The following MECOM variants were observed in gnomAD, a reference collection of about 807,000 sequenced individuals.
MECOM encodes MDS1 and EVI1 complex locus.
Under a neutral mutation model 116.3 loss-of-function variants are expected in MECOM, and 13 were observed. That is an observed-to-expected ratio of 0.11 (90% CI 0.07 to 0.18). MECOM has a LOEUF of 0.18. Ranked by LOEUF, MECOM falls within the 10% of genes least tolerant of loss-of-function variation. MECOM has a pLI of 1.00. For missense variants in MECOM, 1,299 were observed against 1,509.0 expected, an observed-to-expected ratio of 0.86 and a Z score of 2.31; for synonymous variants, 528 against 535.2, an observed-to-expected ratio of 0.99 and a Z score of 0.19.
chr3:169,406,509 G>A (rs540186011), intron 1 of MECOM, among the ~76,000 whole-genome samples: 53 of 152,294 alleles, frequency 3.5e-4, no homozygotes, highest in Non-Finnish European at 6.0e-4. Context: ...CAAGAAAAGC[G>A]ATTGAAGGCT....
intron 1 of MECOM, among the ~76,000 whole-genome samples, chr3:169,485,953 G>T (rs111465404): frequency 2.9e-5 from 3 of 103,984 alleles, no homozygotes; most frequent in Non-Finnish European, 3.6e-5. Flanking sequence ...ATGTATATAT[G>T]TACATATATA....
intron 1 of MECOM, among the ~76,000 whole-genome samples, chr3:169,419,132 A>G (rs1739266453): frequency 1.3e-5 from 2 of 152,154 alleles, no homozygotes; most frequent in Non-Finnish European, 2.9e-5. Flanking sequence ...TCATGAGTGA[A>G]TGTCATTCAT....
At chr3:169,604,371 A>T (rs189914209) in intron 1 of MECOM, among the ~76,000 whole-genome samples, 35 of 152,136 alleles carry the variant, frequency 2.3e-4, no homozygotes, top group African/African-American at 7.0e-4. Flanking sequence ...AATTTAGTTC[A>T]TGCTTCTCAT....
At chr3:169,282,989 T>C (rs749769676) in intron 2 of MECOM, among the ~76,000 whole-genome samples, 1 of 152,086 alleles carries the variant, frequency 6.6e-6, no homozygotes, top group Non-Finnish European at 1.5e-5. Context: ...TTTTTTTCCA[T>C]GGGGACAATG....
At chr3:169,211,456 T>G (rs529055457) in intron 2 of MECOM, among the ~76,000 whole-genome samples, 18 of 152,184 alleles carry the variant, frequency 1.2e-4, no homozygotes, top group Non-Finnish European at 2.2e-4. Context: ...GATCTCCTCA[T>G]TCTTCTGTGG....
intron 2 of MECOM, among the ~76,000 whole-genome samples, chr3:169,364,419 C>T (rs1728819595): frequency 6.6e-6 from 1 of 151,894 alleles, no homozygotes; most frequent in African/African-American, 2.4e-5. Flanking sequence ...TTAAATAATA[C>T]TACTTTTTCC....
chr3:169,235,538 A>C (rs1259192363), intron 2 of MECOM, among the ~76,000 whole-genome samples: 1 of 152,172 alleles, frequency 6.6e-6, no homozygotes, highest in Non-Finnish European at 1.5e-5. Context: ...TGAAAAATAA[A>C]AAAGGAGGAA....
rs13327089 is a variant in MECOM at position 169,659,087 on chromosome 3, A to G, written c.37+4249T>C. Among the ~76,000 whole-genome samples, 6 of 151,456 alleles carry G rather than the reference A, an allele frequency of 4.0e-5. No homozygotes were observed. In the East Asian group the frequency reaches 9.7e-4, roughly 25 times the overall value. ...CCTTCAACTCCAAAAAAAAAAAAAA[A>G]AAAAGAAAGAGAAAGAAAGAAAGAA... is the stretch of plus-strand genomic sequence containing the variant. On this transcript the variant is annotated intron_variant, in intron 1 of 16. Coordinates refer to ENST00000651503, the MANE Select transcript of MECOM (RefSeq NM_004991.4).
At chr3:169,454,279 C>T (rs1162217007) in intron 1 of MECOM, among the ~76,000 whole-genome samples, 1 of 151,504 alleles carries the variant, frequency 6.6e-6, no homozygotes, top group Non-Finnish European at 1.5e-5. Flanking sequence ...TAATTGAAAT[C>T]CCTAATGGTT....
Position 169,084,389 on chromosome 3 carries a change from A to C in MECOM, c.*520T>G, listed in dbSNP as rs1380019149. ...CTCCCTGTTATCAGTTTCTATAATA[A>C]TTGACTGTGCATTTCATCCAACTAC... is the stretch of plus-strand genomic sequence containing the variant. On this transcript the variant is annotated 3_prime_UTR_variant, in exon 17 of 17. Coordinates refer to ENST00000651503, the MANE Select transcript of MECOM (RefSeq NM_004991.4). The C allele has an allele frequency of 8.6e-6, 2 of 231,780 alleles. No homozygotes were observed. The highest frequency in any genetic ancestry group is 1.7e-5 in the Non-Finnish European group (2 of 117,340). 14.4% of individuals were successfully genotyped at this position (231,780 alleles called of 1,614,324 possible).
chr3:169,259,011 A>C (rs1246027622), intron 2 of MECOM, among the ~76,000 whole-genome samples: 2 of 152,098 alleles, frequency 1.3e-5, no homozygotes, highest in Non-Finnish European at 2.9e-5. Flanking sequence ...TTTGCATCCC[A>C]AATCTCAGGC....
chr3:169,390,526 G>A (rs1734049692), intron 1 of MECOM, among the ~76,000 whole-genome samples: 1 of 152,118 alleles, frequency 6.6e-6, no homozygotes, highest in Non-Finnish European at 1.5e-5. Flanking sequence ...TCAGAAGAAA[G>A]CTGCACCCCT....
intron 2 of MECOM, among the ~76,000 whole-genome samples, chr3:169,317,571 G>A (rs1007817799): frequency 6.6e-6 from 1 of 152,152 alleles, no homozygotes; most frequent in Non-Finnish European, 1.5e-5. Flanking sequence ...TTCAAGAAAC[G>A]AAATCCTGGT....
intron 1 of MECOM, among the ~76,000 whole-genome samples, chr3:169,424,144 A>G (rs1740241166): frequency 6.6e-6 from 1 of 152,154 alleles, no homozygotes; most frequent in African/African-American, 2.4e-5. Flanking sequence ...ATTGAAATAA[A>G]GAAAAACTCA....
intron 1 of MECOM, among the ~76,000 whole-genome samples, chr3:169,418,975 T>G (rs1311443260): frequency 6.6e-6 from 1 of 152,204 alleles, no homozygotes; most frequent in Non-Finnish European, 1.5e-5. Context: ...GCAGATGACA[T>G]GATTGTATAT....
At chr3:169,174,423 C>G (rs776632971) in intron 2 of MECOM, among the ~76,000 whole-genome samples, 6 of 152,144 alleles carry the variant, frequency 3.9e-5, no homozygotes, top group Admixed American at 6.5e-5. Context: ...GGTTTCCTTT[C>G]TAATTACTCT....
chr3:169,425,108 C>A (rs1000703392), intron 1 of MECOM, among the ~76,000 whole-genome samples: 4 of 150,688 alleles, frequency 2.7e-5, no homozygotes, highest in Admixed American at 6.6e-5. Flanking sequence ...AACCCCCCCC[C>A]ACTTGCATGT....
chr3:169,356,964 G>A (rs574878027), intron 2 of MECOM, among the ~76,000 whole-genome samples: 9 of 151,968 alleles, frequency 5.9e-5, no homozygotes, highest in Non-Finnish European at 1.2e-4. Flanking sequence ...AACAAGAGTA[G>A]TGTCACATAA....
At chr3:169,367,917 G>A (rs954657039) in intron 2 of MECOM, among the ~76,000 whole-genome samples, 12 of 152,060 alleles carry the variant, frequency 7.9e-5, no homozygotes, top group Non-Finnish European at 1.6e-4. Flanking sequence ...ACACTATGCT[G>A]TGGAGCACTT....
Sources: allele counts gnomAD v4.1 joint callset (sites outside exome capture counted in the v4.1 genomes callset), GRCh38; gene constraint gnomAD v4.1.1; transcripts MANE v1.5; gene names NCBI Gene and HGNC (gene_info 2026-07-23, HGNC 2026-07-21).